Variants in CRNKL1 observed in about 807,000 individuals in gnomAD.
CRNKL1 encodes crooked neck-like protein 1.
A neutral mutation model predicts 103.7 loss-of-function variants in CRNKL1; 35 were observed. The ratio of observed to expected loss-of-function variants is 0.34; its 90% CI spans 0.26 to 0.45. CRNKL1 has a LOEUF of 0.45. Among genes scored for constraint, CRNKL1 ranks in the 20% least tolerant of loss-of-function variants. The pLI, the probability that CRNKL1 is intolerant of heterozygous loss-of-function variation, is 1.00. For synonymous variants in CRNKL1, 267 were observed against 282.6 expected (o/e 0.94, Z 0.55); for missense variants, 645 against 836.0 (o/e 0.77, Z 2.82).
At chr20:20,050,901 A>C (rs1255421644) in intron 1 of CRNKL1, among the ~76,000 whole-genome samples, 1 of 152,262 alleles carries the variant, frequency 6.6e-6, no homozygotes, top group Non-Finnish European at 1.5e-5. Context: ...GTATAATAAT[A>C]AACTTTGAGG....
Position 20,035,410 on chromosome 20 carries a change from C to CATT in CRNKL1, c.*782_*784dup, listed in dbSNP as rs1420993540. On this transcript the variant is annotated 3_prime_UTR_variant, in exon 14 of 14. Coordinates refer to ENST00000536226, the MANE Select transcript of CRNKL1 (RefSeq NM_001278628.2). ...TTTCATAGCACACACGTGAACAAGC[C>CATT]ATTATTCTTTAAACAAGGTATTACA... is the stretch of plus-strand genomic sequence containing the variant. 7 of 152,298 alleles carry CATT rather than the reference C, an allele frequency of 4.6e-5. No homozygotes were observed. In the East Asian group the frequency reaches 1.4e-3, roughly 29 times the overall value. 9.4% of individuals were successfully genotyped at this position (152,298 alleles called of 1,614,324 possible). A position where few individuals can be genotyped will look rare whatever the true frequency, so the allele number is the denominator to read the frequency against.
intron 11 of CRNKL1, among the ~76,000 whole-genome samples, chr20:20,039,222 C>A (rs2043471916): frequency 6.6e-6 from 1 of 152,218 alleles, no homozygotes; most frequent in Non-Finnish European, 1.5e-5. Flanking sequence ...GCAAGGACAT[C>A]CTGGTTTAGA....
At chr20:20,052,868 G>C (rs1011063392), upstream of CRNKL1, 3 of 736,178 alleles carry the variant, frequency 4.1e-6, no homozygotes, top group Non-Finnish European at 4.4e-6. Context: ...CATTCTAGTA[G>C]TCTCTGGGTC....
At chr20:20,037,630 A>G (rs1401393766) in intron 12 of CRNKL1, 59 bp from the exon 13 acceptor site, 4 of 1,528,086 alleles carry the variant, frequency 2.6e-6, no homozygotes, top group Non-Finnish European at 3.5e-6. Flanking sequence ...ATAATAATGT[A>G]GTAATAATAA....
intron 5 of CRNKL1, among the ~76,000 whole-genome samples, chr20:20,046,261 A>G (rs2043592966): frequency 2.0e-5 from 3 of 152,216 alleles, no homozygotes; most frequent in Admixed American, 1.3e-4. Context: ...AGGACAGAGA[A>G]GTTCCTACAC....
upstream of CRNKL1, among the ~76,000 whole-genome samples, chr20:20,054,574 T>C (rs1328974694): frequency 1.3e-5 from 2 of 152,266 alleles, no homozygotes; most frequent in African/African-American, 4.8e-5. Flanking sequence ...AATACATTCA[T>C]GCTCATTTGT....
rs1555819522 is a variant in CRNKL1 at position 20,034,798 on chromosome 20, G to GTTA, written c.*1394_*1396dup. 2 of 152,174 alleles carry GTTA rather than the reference G, an allele frequency of 1.3e-5. No homozygotes were observed. Among genetic ancestry groups the GTTA allele is most frequent in the African/African-American group, 4.8e-5 (2 of 41,446 alleles). 9.4% of individuals were successfully genotyped at this position (152,174 alleles called of 1,614,324 possible). A position where few individuals can be genotyped will look rare whatever the true frequency, so the allele number is the denominator to read the frequency against. On this transcript the variant is annotated 3_prime_UTR_variant, in exon 14 of 14. Transcript: ENST00000536226. ...CTAGTTTCTTCTGTCCTCAAACACT[G>GTTA]TTATTTATTTTCAAGATAAAATTTA...
chr20:20,038,944 C>A (rs1378504649), intron 11 of CRNKL1, among the ~76,000 whole-genome samples: 2 of 152,212 alleles, frequency 1.3e-5, no homozygotes, highest in Non-Finnish European at 2.9e-5. Context: ...GTGGCATGGA[C>A]ACCTGAAAGC....
upstream of CRNKL1, among the ~76,000 whole-genome samples, chr20:20,054,065 G>T (rs1412597602): frequency 2.2e-5 from 2 of 90,744 alleles, no homozygotes; most frequent in African/African-American, 4.2e-5. Context: ...CTTACTTTTT[G>T]CCATCAATGC....
intron 10 of CRNKL1, 125 bp from the exon 11 acceptor site, chr20:20,039,973 T>G (rs998296383): frequency 1.1e-6 from 1 of 943,678 alleles, no homozygotes; most frequent in Non-Finnish European, 1.6e-6. Context: ...GGCCTACCAT[T>G]CTTTCCCTCT....
At position 20,039,921 on chromosome 20, in the gene CRNKL1, G is replaced by A. The variant is rs549445149; in HGVS notation, c.1306-73C>T. 6 of 1,476,236 alleles carry A rather than the reference G, an allele frequency of 4.1e-6. No homozygotes were observed. The African/African-American group carries it at 5.6e-5, about 14-fold the overall frequency. The allele number at this position is 1,476,236 out of a possible 1,614,324, so 91.4% of individuals were successfully genotyped here. A position where few individuals can be genotyped will look rare whatever the true frequency, so the allele number is the denominator to read the frequency against. On this transcript the variant is annotated intron_variant, in intron 10 of 13. Transcript: ENST00000536226. ...TCTGTGCAGTTATTGCACTGCCCTA[G>A]AGGCTGTTCTCTGCTGAGGAAGAAT...
intron 5 of CRNKL1, among the ~76,000 whole-genome samples, chr20:20,047,454 G>A (rs1320276937): frequency 6.6e-6 from 1 of 152,114 alleles, no homozygotes; most frequent in Non-Finnish European, 1.5e-5. Context: ...AAGCATCACC[G>A]ATTTTGGTAT....
chr20:20,050,151 C>T (rs1235725173), intron 2 of CRNKL1, among the ~76,000 whole-genome samples: 2 of 152,212 alleles, frequency 1.3e-5, no homozygotes, highest in Non-Finnish European at 2.9e-5. Context: ...GTGGTATAGA[C>T]AGAAGTACAC....
chr20:20,056,009 C>T (rs376340465), upstream of CRNKL1: 104 of 1,606,572 alleles, frequency 6.5e-5, no homozygotes, highest in South Asian at 7.0e-4. Flanking sequence ...CCACTGTTGC[C>T]GTCATTAGAG....
At chr20:20,054,017 T>TG (rs761128007), upstream of CRNKL1, among the ~76,000 whole-genome samples, 19,150 of 147,634 alleles carry the variant, frequency 0.13, 1,366 homozygotes, top group East Asian at 0.21. Context: ...TTGTTTGTTT[T>TG]TTTTTTTTTT....
rs2043409939 is a variant in CRNKL1, at chr20:20,035,774, A to C, written c.*421T>G. On this transcript the variant is annotated 3_prime_UTR_variant, in exon 14 of 14. Transcript: ENST00000536226. ...TATTGGCCCATTTTGTGAATGAGGA[A>C]AATGAAAATTAAGTTATATAATCAT... 1 of 156,300 alleles carries C rather than the reference A, an allele frequency of 6.4e-6. No homozygotes were observed. Among genetic ancestry groups the C allele is most frequent in the African/African-American group, 2.4e-5 (1 of 41,482 alleles). The allele number at this position is 156,300 out of a possible 1,614,324, so 9.7% of individuals were successfully genotyped here. A position where few individuals can be genotyped will look rare whatever the true frequency, so the allele number is the denominator to read the frequency against.
intron 10 of CRNKL1, 113 bp downstream of exon 10, chr20:20,040,573 G>A: frequency 5.1e-6 from 4 of 785,946 alleles, no homozygotes; most frequent in Admixed American, 2.1e-5. Context: ...GGCTATAAAG[G>A]TATAATACTT....
Position 20,049,435 on chromosome 20 carries a change from G to T in CRNKL1, c.205-4C>A. 6.6e-7 allele frequency: 1 copy of T among 1,525,374 alleles called. No homozygotes were observed. Among genetic ancestry groups the T allele is most frequent in the South Asian group, 1.2e-5 (1 of 85,690 alleles). The allele number at this position is 1,525,374 out of a possible 1,614,324, so 94.5% of individuals were successfully genotyped here. ...TTCTTATATTATCTTCAAAAGTCTG[G>T]AAGAAGGCAAAAAGGGTCAAGTCAA... On this transcript the variant is annotated splice_polypyrimidine_tract_variant and splice_region_variant and intron_variant, in intron 2 of 13. Coordinates refer to ENST00000536226, the MANE Select transcript of CRNKL1 (RefSeq NM_001278628.2).
upstream of CRNKL1, chr20:20,052,572 G>T (rs761105056): frequency 6.2e-7 from 1 of 1,613,894 alleles, no homozygotes; most frequent in Non-Finnish European, 8.5e-7. Flanking sequence ...GGAGTGCGGC[G>T]TCCTGGAGCT....
Sources: gnomAD v4.1 joint callset for allele counts (sites outside exome capture counted in the v4.1 genomes callset) on GRCh38, gnomAD v4.1.1 for gene constraint, MANE v1.5 for transcripts, NCBI Gene and HGNC (gene_info 2026-07-23, HGNC 2026-07-21) for gene names.